Variants in DPP10 observed in about 807,000 individuals in gnomAD.
The protein encoded by DPP10 is dipeptidyl peptidase like 10.
Under a neutral mutation model 120.9 loss-of-function variants are expected in DPP10, and 33 were observed. The observed-to-expected ratio is 0.27, with a 90% CI of 0.21 to 0.37. The LOEUF is 0.37. DPP10 is among the 10% of genes least tolerant of loss of function. The pLI is 1.00. For synonymous variants in DPP10, 337 were observed against 326.1 expected (o/e 1.03, Z -0.36); for missense variants, 816 against 942.8 (o/e 0.87, Z 1.76).
At chr2:114,570,641 T>C (rs565776282) in intron 1 of DPP10, among the ~76,000 whole-genome samples, 18 of 150,186 alleles carry the variant, frequency 1.2e-4, no homozygotes, top group Non-Finnish European at 1.9e-4. Flanking sequence ...CTGGCTAATA[T>C]GGTGAAACCC....
chr2:114,663,242 G>GTATATATA lies in DPP10; in HGVS notation c.60+220405_60+220406insATATATAT, dbSNP rs757487003. Among the ~76,000 whole-genome samples, 8 of 134,020 alleles carry GTATATATA rather than the reference G, an allele frequency of 6.0e-5. No individual in the cohort carries two copies. The South Asian group carries it at 6.9e-4, about 12-fold the overall frequency. 87.9% of individuals were successfully genotyped at this position (134,020 alleles called of 152,430 possible). On this transcript the variant is annotated intron_variant, in intron 1 of 25. Transcript: ENST00000410059. ...GATGTGTATATTAAGAGCCTTGTGT[G>GTATATATA]TGTATATATATATATATCTATATAT...
intron 1 of DPP10, among the ~76,000 whole-genome samples, chr2:114,974,515 T>C (rs1699622258): frequency 1.3e-5 from 2 of 151,874 alleles, no homozygotes; most frequent in Non-Finnish European, 2.9e-5. Context: ...CTTACTGGGT[T>C]CAAGCGATTT....
chr2:114,721,021 A>G (rs1012495731), intron 1 of DPP10, among the ~76,000 whole-genome samples: 1 of 151,954 alleles, frequency 6.6e-6, no homozygotes, highest in Non-Finnish European at 1.5e-5. Context: ...AACACTTTTG[A>G]GGGCTAAGCC....
In DPP10 at chr2:114,490,063, A is replaced by G. The variant is rs150445709; in HGVS notation, c.60+47225A>G. On this transcript the variant is annotated intron_variant, in intron 1 of 25. Transcript: ENST00000410059. ...GACCAGTATGACTTCTCCACCAGAG[A>G]CTGACCAGGAAAGAATGCCTTCTGA... Among the ~76,000 whole-genome samples the G allele has an allele frequency of 2.4e-4, 36 of 152,320 alleles. No individual in the cohort carries two copies. The East Asian group carries it at 7.0e-3, about 29-fold the overall frequency.
At chr2:115,288,110 T>G (rs949183230) in intron 1 of DPP10, among the ~76,000 whole-genome samples, 1 of 152,142 alleles carries the variant, frequency 6.6e-6, no homozygotes, top group Non-Finnish European at 1.5e-5. Context: ...TTTCTATAGA[T>G]GTTTCACTAA....
chr2:114,722,671 G>A (rs2105911282), intron 1 of DPP10, among the ~76,000 whole-genome samples: 1 of 151,112 alleles, frequency 6.6e-6, no homozygotes, highest in African/African-American at 2.4e-5. Flanking sequence ...AGCTGCTCAG[G>A]AGGCTGAGGC....
chr2:114,635,490 C>T (rs1423682718), intron 1 of DPP10, among the ~76,000 whole-genome samples: 2 of 151,878 alleles, frequency 1.3e-5, no homozygotes, highest in African/African-American at 4.9e-5. Context: ...GATTAACTAG[C>T]TAATTTATAT....
chr2:114,748,141 T>G (rs1244484588), intron 1 of DPP10, among the ~76,000 whole-genome samples: 1 of 152,046 alleles, frequency 6.6e-6, no homozygotes, highest in Non-Finnish European at 1.5e-5. Context: ...GAAGTATATA[T>G]CCATGAAAAA....
chr2:115,670,013 A>G (rs981184765), intron 5 of DPP10, among the ~76,000 whole-genome samples: 4 of 152,150 alleles, frequency 2.6e-5, no homozygotes, highest in African/African-American at 9.6e-5. Flanking sequence ...ATAGTTCTGC[A>G]GGCTGGGAAG....
chr2:114,471,829 A>T lies in DPP10; in HGVS notation c.60+28991A>T, dbSNP rs546721027. On this transcript the variant is annotated intron_variant, in intron 1 of 25. Coordinates refer to ENST00000410059, the MANE Select transcript of DPP10 (RefSeq NM_020868.6). ...CTGATAAACTGAAGGTTCAGTAGGT[A>T]AGAGAAGCACTAGAAACATAATGAT... Among the ~76,000 whole-genome samples, 3 of 152,302 alleles carry T rather than the reference A, an allele frequency of 2.0e-5. No individual in the cohort carries two copies. In the East Asian group the frequency reaches 5.8e-4, roughly 29 times the overall value.
intron 3 of DPP10, among the ~76,000 whole-genome samples, chr2:115,380,639 T>G (rs1461165109): frequency 6.6e-6 from 1 of 152,158 alleles, no homozygotes; most frequent in African/African-American, 2.4e-5. Context: ...TGCAGTTTCT[T>G]CCTAGTCTCG....
chr2:115,520,728 G>A (rs763951073), intron 4 of DPP10, among the ~76,000 whole-genome samples: 8 of 152,218 alleles, frequency 5.3e-5, no homozygotes, highest in Non-Finnish European at 8.8e-5. Flanking sequence ...CTCAAGTCAT[G>A]CAAATGAATA....
At chr2:115,301,835 T>C (rs1299052500) in intron 1 of DPP10, among the ~76,000 whole-genome samples, 1 of 152,058 alleles carries the variant, frequency 6.6e-6, no homozygotes, top group African/African-American at 2.4e-5. Flanking sequence ...TAAATCGTGA[T>C]GCTAAAAGTG....
In DPP10 at chr2:114,843,556, G is replaced by A. The variant is rs139951092; in HGVS notation, c.60+400718G>A. 8.3e-4 allele frequency among the ~76,000 whole-genome samples: 127 copies of A among 152,184 alleles called. 1 individual carries two copies. The highest frequency in any genetic ancestry group is 2.9e-3 in the African/African-American group (121 of 41,538). On this transcript the variant is annotated intron_variant, in intron 1 of 25. Transcript: ENST00000410059. ...TTAGAATGTGTCCTTAAATTTCAGT[G>A]TTTGTCATTATCATTCACAGAGCTT...
chr2:114,639,407 T>C, intron 1 of DPP10, among the ~76,000 whole-genome samples: 1 of 151,800 alleles, frequency 6.6e-6, no homozygotes, highest in East Asian at 1.9e-4. Flanking sequence ...AAGATTTGGG[T>C]GGGGACACAG....
chr2:115,218,306 A>G (rs1288614533), intron 1 of DPP10, among the ~76,000 whole-genome samples: 1 of 152,146 alleles, frequency 6.6e-6, no homozygotes, highest in Non-Finnish European at 1.5e-5. Context: ...CAACGATTTG[A>G]TTCTTCTTGA....
chr2:115,509,705 A>G (rs111853472), intron 4 of DPP10, among the ~76,000 whole-genome samples: 8,759 of 152,142 alleles, frequency 0.058, 363 homozygotes, highest in Middle Eastern at 0.099. Flanking sequence ...ACAAAACAAA[A>G]CAAAACAAAG....
chr2:114,694,668 A>G (rs148684289), intron 1 of DPP10, among the ~76,000 whole-genome samples: 2 of 152,064 alleles, frequency 1.3e-5, no homozygotes, highest in Admixed American at 1.3e-4. Flanking sequence ...GATCTAACAC[A>G]TGTTCATGGA....
At chr2:115,508,658 A>G (rs1243811336) in intron 4 of DPP10, among the ~76,000 whole-genome samples, 2 of 152,200 alleles carry the variant, frequency 1.3e-5, no homozygotes, top group Non-Finnish European at 2.9e-5. Context: ...TAATCCCAGC[A>G]CTTTGGGAGC....
Sources: allele counts gnomAD v4.1 joint callset (sites outside exome capture counted in the v4.1 genomes callset), GRCh38; gene constraint gnomAD v4.1.1; transcripts MANE v1.5; gene names NCBI Gene and HGNC (gene_info 2026-07-23, HGNC 2026-07-21).